BCAS2: variants seen among roughly 807,000 people sequenced by gnomAD.
The protein encoded by BCAS2 is pre-mRNA-splicing factor SPF27.
In BCAS2, 34 loss-of-function variants were observed where a neutral mutation model predicts 35.3. The ratio of observed to expected loss-of-function variants is 0.96; its 90% CI spans 0.73 to 1.28. The LOEUF (loss-of-function observed/expected upper bound fraction) is 1.28, where lower values mean the gene tolerates loss of function less well. BCAS2 is among the 50% of genes most tolerant of loss of function. The pLI is 0.00. For synonymous variants in BCAS2, 75 were observed against 91.6 expected, an observed-to-expected ratio of 0.82 and a Z score of 1.03; for missense variants, 221 against 268.1, an observed-to-expected ratio of 0.82 and a Z score of 1.23.
At chr1:114,572,754 A>G (rs775848768) in intron 4 of BCAS2, among the ~76,000 whole-genome samples, 2 of 152,298 alleles carry the variant, frequency 1.3e-5, no homozygotes, top group East Asian at 1.9e-4. Flanking sequence ...CACCAGAGAA[A>G]GGACTAGTTT....
intron 4 of BCAS2, among the ~76,000 whole-genome samples, chr1:114,575,378 A>C (rs1467267331): frequency 1.4e-5 from 2 of 145,904 alleles, no homozygotes; most frequent in African/African-American, 5.1e-5. Flanking sequence ...TTTTTTTTGT[A>C]GAAATGGGGT....
rs1446412838 is a variant in BCAS2 at position 114,567,826 on chromosome 1, T to C, written c.*304A>G. 9.0e-6 allele frequency: 2 copies of C among 222,606 alleles called. No homozygotes were observed. The highest frequency in any genetic ancestry group is 1.7e-5 in the Non-Finnish European group (2 of 114,414). 13.8% of individuals were successfully genotyped at this position (222,606 alleles called of 1,614,324 possible). On this transcript the variant is annotated 3_prime_UTR_variant, in exon 7 of 7. Coordinates refer to ENST00000369541, the MANE Select transcript of BCAS2 (RefSeq NM_005872.3). Reference sequence around the variant, plus strand: ...GTTGAAAGCTTTAAATAAGGATCCTTGGATACAAAATATGGTCCACATGGC... The same window carrying C: ...GTTGAAAGCTTTAAATAAGGATCCTCGGATACAAAATATGGTCCACATGGC...
intron 6 of BCAS2, among the ~76,000 whole-genome samples, chr1:114,569,409 T>A (rs1472659389): frequency 6.6e-6 from 1 of 152,120 alleles, no homozygotes; most frequent in Non-Finnish European, 1.5e-5. Flanking sequence ...TGTGTGTATG[T>A]AAAAGAACAT....
At chr1:114,574,798 T>C (rs925643175) in intron 4 of BCAS2, among the ~76,000 whole-genome samples, 5 of 152,218 alleles carry the variant, frequency 3.3e-5, no homozygotes, top group African/African-American at 1.2e-4. Context: ...GTTGCAGTTC[T>C]AGAACATAAT....
At chr1:114,571,626 G>A (rs970985866) in intron 4 of BCAS2, among the ~76,000 whole-genome samples, 1 of 152,122 alleles carries the variant, frequency 6.6e-6, no homozygotes, top group Non-Finnish European at 1.5e-5. Flanking sequence ...CCAAAGTGTT[G>A]GAATTACATG....
At chr1:114,570,650 T>C in intron 5 of BCAS2, 50 bp downstream of exon 5, 1 of 1,244,014 alleles carries the variant, frequency 8.0e-7, no homozygotes, top group Non-Finnish European at 1.1e-6. Flanking sequence ...ATTTTCTATT[T>C]ATTAAAGGTT....
chr1:114,578,872 C>A (rs984190429), intron 2 of BCAS2, among the ~76,000 whole-genome samples: 12 of 152,198 alleles, frequency 7.9e-5, no homozygotes, highest in African/African-American at 2.9e-4. Context: ...CCTCTCTAAG[C>A]TGCAGTTTTC....
rs536723310 is a variant in BCAS2, at chr1:114,567,743, A to C, written c.*387T>G. 1 of 167,774 alleles carries C rather than the reference A, an allele frequency of 6.0e-6. No homozygotes were observed. Among genetic ancestry groups the C allele is most frequent in the African/African-American group, 2.4e-5 (1 of 41,856 alleles). 10.4% of individuals were successfully genotyped at this position (167,774 alleles called of 1,614,324 possible). A position where few individuals can be genotyped will look rare whatever the true frequency, so the allele number is the denominator to read the frequency against. ...TTGTTTGGTGATCAAGAATGTGTTT[A>C]GAACTATCTCTTTATTAGACAAAGT... is the stretch of plus-strand genomic sequence containing the variant. On this transcript the variant is annotated 3_prime_UTR_variant, in exon 7 of 7. Coordinates refer to ENST00000369541, the MANE Select transcript of BCAS2 (RefSeq NM_005872.3).
intron 6 of BCAS2, among the ~76,000 whole-genome samples, chr1:114,569,290 C>T (rs1044475511): frequency 2.0e-5 from 3 of 150,470 alleles, no homozygotes; most frequent in Admixed American, 6.6e-5. Context: ...TACATGGAGA[C>T]GGTGGAACAA....
chr1:114,579,434 T>A (rs542497458), intron 2 of BCAS2, among the ~76,000 whole-genome samples: 2 of 152,354 alleles, frequency 1.3e-5, no homozygotes, highest in East Asian at 3.9e-4. Flanking sequence ...AATGCAGTTA[T>A]CTGAAACCTT....
rs1417032090 is a variant in BCAS2 at position 114,581,579 on chromosome 1, C to T, written c.13G>A (p.Gly5Ser). Reference sequence around the variant, plus strand: ...ACCACAACCTCTCCAGCCACCAAACCTGTGCCCGCCATTCTGAGGACCTCA... The same window carrying T: ...ACCACAACCTCTCCAGCCACCAAACTTGTGCCCGCCATTCTGAGGACCTCA... Reference protein sequence around the residue: MAGTGLVAGEVVVDA... With the variant: MAGTSLVAGEVVVDA... Residue 5 changes from glycine to serine, a missense_variant, in exon 1 of 7, where the codon GGT becomes AGT. Physicochemically the swap from Gly to Ser is moderately conservative, Grantham distance 56. Transcript: ENST00000369541. The T allele has an allele frequency of 4.4e-6, 7 of 1,603,482 alleles. No individual in the cohort carries two copies. Among genetic ancestry groups the T allele is most frequent in the African/African-American group, 4.0e-5 (3 of 74,760 alleles).
chr1:114,579,074 G>A (rs1374074173), intron 2 of BCAS2, among the ~76,000 whole-genome samples: 2 of 152,026 alleles, frequency 1.3e-5, no homozygotes, highest in East Asian at 1.9e-4. Context: ...TCAGGAGTTC[G>A]AGACCAGCCT....
Position 114,570,690 on chromosome 1 carries a change from A to T in BCAS2, c.470+10T>A. 1 of 1,569,642 alleles carries T rather than the reference A, an allele frequency of 6.4e-7. No individual in the cohort carries two copies. Among genetic ancestry groups the T allele is most frequent in the Non-Finnish European group, 8.7e-7 (1 of 1,149,848 alleles). On this transcript the variant is annotated intron_variant, in intron 5 of 6. Coordinates refer to ENST00000369541, the MANE Select transcript of BCAS2 (RefSeq NM_005872.3). ...TAAACTTCATTCTGTAATAGGAAAA[A>T]ACAATTTACCTTAACTTCTGAAGTT...
In BCAS2 at chr1:114,568,086, T is replaced by G. The variant is rs762130620; in HGVS notation, c.*44A>C. 1 of 1,610,124 alleles carries G rather than the reference T, an allele frequency of 6.2e-7. No individual in the cohort carries two copies. Among genetic ancestry groups the G allele is most frequent in the African/African-American group, 1.3e-5 (1 of 74,794 alleles). ...AAAGTTCATTAAAAGTTCAGATGCC[T>G]TTTGTGAAAGCCCAACTTTTCTTCT... On this transcript the variant is annotated 3_prime_UTR_variant, in exon 7 of 7. Coordinates refer to ENST00000369541, the MANE Select transcript of BCAS2 (RefSeq NM_005872.3).
At chr1:114,568,393 TCTCGCTCTTGTTGCC>T in intron 6 of BCAS2, 137 bp from the exon 7 acceptor site, 1 of 972,484 alleles carries the variant, frequency 1.0e-6, no homozygotes, top group Non-Finnish European at 1.4e-6. Flanking sequence ...TGAGACGGAG[TCTCGCTCTTGTTGCC>T]CAGGCTGGAG....
At chr1:114,570,134 ACT>A in intron 5 of BCAS2, 62 bp from the exon 6 acceptor site, 1 of 1,121,184 alleles carries the variant, frequency 8.9e-7, no homozygotes, top group Non-Finnish European at 1.3e-6. Context: ...TCAACAGAAA[ACT>A]CTATAACACA....
intron 2 of BCAS2, among the ~76,000 whole-genome samples, chr1:114,577,784 T>G (rs1654801811): frequency 6.6e-6 from 1 of 152,244 alleles, no homozygotes; most frequent in Non-Finnish European, 1.5e-5. Flanking sequence ...AATATTTCTT[T>G]GTAGTAATAC....
At chr1:114,569,903 C>G (rs1210748597) in intron 6 of BCAS2, 89 bp downstream of exon 6, 2 of 964,472 alleles carry the variant, frequency 2.1e-6, no homozygotes, top group Non-Finnish European at 3.2e-6. Context: ...CCTGTGGCAT[C>G]CCATTTGAAT....
chr1:114,569,348 G>C (rs891786086), intron 6 of BCAS2, among the ~76,000 whole-genome samples: 13 of 151,990 alleles, frequency 8.6e-5, no homozygotes, highest in Non-Finnish European at 4.4e-5. Flanking sequence ...AAGCAAAAAG[G>C]AAGAGAGAAA....
Sources: gnomAD v4.1 joint callset for allele counts (sites outside exome capture counted in the v4.1 genomes callset) on GRCh38, gnomAD v4.1.1 for gene constraint, MANE v1.5 for transcripts, NCBI Gene and HGNC (gene_info 2026-07-23, HGNC 2026-07-21) for gene names.